The following PCDHGA5 variants were observed in gnomAD, a reference collection of about 807,000 sequenced individuals.
The protein encoded by PCDHGA5 is protocadherin gamma-A5.
A neutral mutation model predicts 56.7 loss-of-function variants in PCDHGA5; 36 were observed. The ratio of observed to expected loss-of-function variants is 0.64; its 90% CI spans 0.49 to 0.84. The LOEUF (loss-of-function observed/expected upper bound fraction) is 0.84. PCDHGA5 is among the 40% of genes least tolerant of loss of function. The pLI is 0.00. For missense variants in PCDHGA5, 1,305 were observed against 1,201.5 expected (o/e 1.09, Z -1.27); for synonymous variants, 563 against 520.2 (o/e 1.08, Z -1.12).
chr5:141,470,358 A>G (rs1263824284), intron 1 of PCDHGA5, among the ~76,000 whole-genome samples: 2 of 152,174 alleles, frequency 1.3e-5, no homozygotes, highest in African/African-American at 4.8e-5. Context: ...AAATAGACAC[A>G]TTAGGTTGAA....
intron 1 of PCDHGA5, among the ~76,000 whole-genome samples, chr5:141,425,165 A>G (rs1391395593): frequency 6.6e-6 from 1 of 152,140 alleles, no homozygotes; most frequent in Non-Finnish European, 1.5e-5. Flanking sequence ...TAGGGATAGG[A>G]TTTATACTTG....
intron 2 of PCDHGA5, among the ~76,000 whole-genome samples, chr5:141,502,109 C>G (rs2099812899): frequency 1.3e-5 from 2 of 152,182 alleles, no homozygotes; most frequent in Admixed American, 1.3e-4. Flanking sequence ...ACCCTGCACC[C>G]TCAGCCAGGC....
At chr5:141,372,522 G>T in intron 1 of PCDHGA5, 1 of 1,613,986 alleles carries the variant, frequency 6.2e-7, no homozygotes, top group Non-Finnish European at 8.5e-7. Context: ...GGTGATTCTG[G>T]CAATCTCCCT....
At chr5:141,422,480 G>A in intron 1 of PCDHGA5, 2 of 1,613,906 alleles carry the variant, frequency 1.2e-6, no homozygotes, top group South Asian at 2.2e-5. Flanking sequence ...TTGGTCCAGA[G>A]CTACAATATA....
intron 1 of PCDHGA5, chr5:141,420,219 T>C: frequency 6.2e-7 from 1 of 1,607,100 alleles, no homozygotes. Flanking sequence ...GATAGCATGC[T>C]ACTGGCTAGC....
intron 1 of PCDHGA5, chr5:141,372,274 G>A (rs767978142): frequency 6.2e-7 from 1 of 1,613,078 alleles, no homozygotes; most frequent in East Asian, 2.2e-5. Flanking sequence ...GGTGAGGTGC[G>A]CACGGCGCGT....
chr5:141,428,266 G>A (rs764763674), intron 1 of PCDHGA5: 1 of 810,620 alleles, frequency 1.2e-6, no homozygotes. Context: ...TGACAGTCCT[G>A]TGCCCTCTGA....
chr5:141,481,351 A>G (rs2099536232), intron 1 of PCDHGA5, among the ~76,000 whole-genome samples: 1 of 152,152 alleles, frequency 6.6e-6, no homozygotes, highest in Non-Finnish European at 1.5e-5. Context: ...TTAAACATCT[A>G]CAGCTGTTCA....
intron 1 of PCDHGA5, chr5:141,383,873 C>A: frequency 6.2e-7 from 1 of 1,613,928 alleles, no homozygotes; most frequent in Non-Finnish European, 8.5e-7. Flanking sequence ...CAAGATGGTC[C>A]TGGTAGTCTG....
intron 1 of PCDHGA5, chr5:141,367,567 A>C (rs1357501052): frequency 1.3e-5 from 2 of 150,962 alleles, no homozygotes; most frequent in Non-Finnish European, 3.0e-5. Flanking sequence ...TAAATAAATA[A>C]ATAAATATCA....
intron 1 of PCDHGA5, chr5:141,415,199 T>C (rs761532551): frequency 1.7e-5 from 28 of 1,613,880 alleles, no homozygotes; most frequent in Non-Finnish European, 2.4e-5. Flanking sequence ...ATCCCCCAAG[T>C]CCTGGCGGAC....
intron 2 of PCDHGA5, among the ~76,000 whole-genome samples, chr5:141,503,598 C>CAAAAAAA (rs765754054): frequency 1.5e-5 from 1 of 65,730 alleles, no homozygotes; most frequent in Non-Finnish European, 3.4e-5. Flanking sequence ...GACTCCAGCT[C>CAAAAAAA]AAAAAAAAAA....
chr5:141,371,914 T>C (rs1768185765), intron 1 of PCDHGA5: 1 of 1,613,262 alleles, frequency 6.2e-7, no homozygotes, highest in Admixed American at 1.7e-5. Context: ...TACGTGTCCG[T>C]GAGCGCGCGG....
At chr5:141,427,191 G>A (rs749528616) in intron 1 of PCDHGA5, 1 of 456,716 alleles carries the variant, frequency 2.2e-6, no homozygotes, top group South Asian at 1.5e-5. Flanking sequence ...TAAATCCAAA[G>A]ACTTAATAGA....
rs368792885 is a variant in PCDHGA5, at chr5:141,394,552, G to A, written c.2421+27801G>A. 7.4e-5 allele frequency: 119 copies of A among 1,613,952 alleles called. No homozygotes were observed. Among genetic ancestry groups the A allele is most frequent in the Admixed American group, 8.3e-5 (5 of 60,012 alleles). On this transcript the variant is annotated intron_variant, in intron 1 of 3. Transcript: ENST00000518069. ...TCCACTGGCGTGGAGCTGGCGCCCCGCTCCGCAGAGCGTGGCTACCTGGTG... is the reference window on the plus strand; with the variant it reads ...TCCACTGGCGTGGAGCTGGCGCCCCACTCCGCAGAGCGTGGCTACCTGGTG...
intron 1 of PCDHGA5, among the ~76,000 whole-genome samples, chr5:141,434,935 T>C (rs952530533): frequency 6.6e-6 from 1 of 151,788 alleles, no homozygotes; most frequent in Non-Finnish European, 1.5e-5. Flanking sequence ...TTTTATATAA[T>C]AGATATAATT....
chr5:141,502,785 A>G (rs576095718), intron 2 of PCDHGA5, among the ~76,000 whole-genome samples: 2 of 150,900 alleles, frequency 1.3e-5, no homozygotes, highest in East Asian at 3.9e-4. Context: ...AATTACCTGG[A>G]TGATTTCTTC....
chr5:141,374,907 G>T (rs778308894), intron 1 of PCDHGA5: 1 of 1,613,828 alleles, frequency 6.2e-7, no homozygotes, highest in Non-Finnish European at 8.5e-7. Flanking sequence ...GGAGTCCACG[G>T]GGAAGTAACT....
chr5:141,399,997 A>G, intron 1 of PCDHGA5: 1 of 1,612,344 alleles, frequency 6.2e-7, no homozygotes, highest in Non-Finnish European at 8.5e-7. Context: ...AGAGGTGCGC[A>G]CAGCGCGTGC....
Sources: allele counts gnomAD v4.1 joint callset (sites outside exome capture counted in the v4.1 genomes callset), GRCh38; gene constraint gnomAD v4.1.1; transcripts MANE v1.5; gene names NCBI Gene and HGNC (gene_info 2026-07-23, HGNC 2026-07-21).